NPHP4: variants seen among roughly 807,000 people sequenced by gnomAD.
NPHP4 encodes nephrocystin-4.
A neutral mutation model predicts 155.8 loss-of-function variants in NPHP4; 151 were observed. That is an observed-to-expected ratio of 0.97 (90% CI 0.85 to 1.11). The LOEUF (loss-of-function observed/expected upper bound fraction) is 1.11. NPHP4 is among the 50% of genes least tolerant of loss of function. The pLI, the probability that NPHP4 is intolerant of heterozygous loss-of-function variation, is 0.00. For synonymous variants in NPHP4, 845 were observed against 816.8 expected, an observed-to-expected ratio of 1.03 and a Z score of -0.59; for missense variants, 1,956 against 1,925.7, an observed-to-expected ratio of 1.02 and a Z score of -0.29.
intron 16 of NPHP4, among the ~76,000 whole-genome samples, chr1:5,902,680 A>T (rs59454663): frequency 1.2e-4 from 19 of 152,196 alleles, no homozygotes; most frequent in Admixed American, 1.3e-4. Context: ...ACAATATCTT[A>T]AAGAGTACCT....
intron 23 of NPHP4, among the ~76,000 whole-genome samples, chr1:5,870,124 TATC>T (rs1380037549): frequency 6.6e-6 from 1 of 152,196 alleles, no homozygotes; most frequent in Non-Finnish European, 1.5e-5. Flanking sequence ...GGTTTCTAAA[TATC>T]ATTCTCCAAC....
At chr1:5,984,935 G>C (rs1356337652) in intron 2 of NPHP4, among the ~76,000 whole-genome samples, 1 of 152,216 alleles carries the variant, frequency 6.6e-6, no homozygotes, top group African/African-American at 2.4e-5. Flanking sequence ...CTCTTAATTA[G>C]CAGGTGCTGC....
chr1:5,880,003 GCACA>G (rs878992194), intron 19 of NPHP4, 107 bp downstream of exon 19: 75 of 1,253,548 alleles, frequency 6.0e-5, no homozygotes, highest in Non-Finnish European at 7.5e-5. Flanking sequence ...CACGAATGGT[GCACA>G]CACACACACA....
intron 6 of NPHP4, among the ~76,000 whole-genome samples, chr1:5,956,059 TG>T (rs35135056): frequency 0.49 from 51,334 of 105,408 alleles, 10,752 homozygotes; most frequent in East Asian, 0.76. Context: ...TTCAAAAAGC[TG>T]GGGGGGGGGG....
intron 16 of NPHP4, 98 bp from the exon 17 acceptor site, chr1:5,891,126 C>T: frequency 2.5e-6 from 2 of 792,416 alleles, no homozygotes; most frequent in South Asian, 6.8e-5. Flanking sequence ...TTACTAATTT[C>T]TGCTTCTGTC....
At chr1:5,966,621 G>A (rs974538094) in intron 5 of NPHP4, among the ~76,000 whole-genome samples, 4 of 151,952 alleles carry the variant, frequency 2.6e-5, no homozygotes, top group Non-Finnish European at 5.9e-5. Context: ...ATCTCACCTC[G>A]AAGAGACAGA....
At chr1:5,950,440 C>G (rs1647763179) in intron 7 of NPHP4, among the ~76,000 whole-genome samples, 1 of 152,226 alleles carries the variant, frequency 6.6e-6, no homozygotes. Flanking sequence ...TTCCACCAAA[C>G]CCTCATGGTA....
At chr1:5,906,564 A>T (rs1644922994) in intron 13 of NPHP4, among the ~76,000 whole-genome samples, 1 of 152,276 alleles carries the variant, frequency 6.6e-6, no homozygotes, top group Admixed American at 6.5e-5. Context: ...GAATTAAAAG[A>T]AACTATTTTT....
At chr1:5,972,565 G>A (rs1570706666) in intron 3 of NPHP4, among the ~76,000 whole-genome samples, 1 of 152,152 alleles carries the variant, frequency 6.6e-6, no homozygotes, top group Non-Finnish European at 1.5e-5. Flanking sequence ...GCACACAGAA[G>A]ACCCTTAACC....
At chr1:5,978,162 G>A (rs1171444628) in intron 3 of NPHP4, 108 bp downstream of exon 3, 26 of 1,009,934 alleles carry the variant, frequency 2.6e-5, no homozygotes, top group African/African-American at 6.4e-5. Context: ...AGTCTGAGAC[G>A]CGCTGTGAGG....
At chr1:5,908,351 C>T (rs1645014716) in intron 12 of NPHP4, among the ~76,000 whole-genome samples, 1 of 152,244 alleles carries the variant, frequency 6.6e-6, no homozygotes, top group Admixed American at 6.5e-5. Flanking sequence ...TCCAGTTTCC[C>T]ACTGCAGATG....
At chr1:5,877,977 G>T (rs536637596) in intron 19 of NPHP4, among the ~76,000 whole-genome samples, 1 of 152,394 alleles carries the variant, frequency 6.6e-6, no homozygotes, top group African/African-American at 2.4e-5. Context: ...CACAGAGCAG[G>T]GGCTTGGGGT....
Position 5,959,335 on chromosome 1 carries a change from G to A in NPHP4, c.673+2459C>T, listed in dbSNP as rs537653929. ...GAGGCCAACGGGCCAGACCTCTTCC[G>A]AAGCATGGCTTTTAAGAATGAGGAG... is the stretch of plus-strand genomic sequence containing the variant. On this transcript the variant is annotated intron_variant, in intron 6 of 29. Transcript: ENST00000378156. 1.4e-3 allele frequency among the ~76,000 whole-genome samples: 219 copies of A among 152,328 alleles called. 2 individuals carry two copies. The highest frequency in any genetic ancestry group is 2.1e-3 in the Non-Finnish European group (144 of 68,038).
chr1:5,905,435 G>A lies in NPHP4; in HGVS notation c.1812C>T (p.Ser604=), dbSNP rs773565122. 3.8e-5 allele frequency: 61 copies of A among 1,611,528 alleles called. 1 individual carries two copies. The East Asian group carries it at 4.2e-4, about 11-fold the overall frequency. Residue 604 remains serine (S), a synonymous_variant, in exon 15 of 30, where the codon TCC becomes TCT. Transcript: ENST00000378156. The surrounding 1 kb of genome is among the most constrained non-coding windows in gnomAD (Gnocchi z 4.0). The part of the protein sequence containing the change: ...SRASMVLLQS[S]GFPEILDANK... ...TGGCATCCAGAATCTCGGGAAAGCC[G>A]GAGGACTGCAGGAGCACCATGGAGG... is the stretch of plus-strand genomic sequence containing the variant.
intron 11 of NPHP4, among the ~76,000 whole-genome samples, chr1:5,924,139 A>G (rs1645880894): frequency 6.6e-6 from 1 of 152,194 alleles, no homozygotes; most frequent in African/African-American, 2.4e-5. Flanking sequence ...ACACTCCAGA[A>G]GAAAAGAACT....
intron 16 of NPHP4, among the ~76,000 whole-genome samples, chr1:5,893,874 C>T (rs1644264873): frequency 6.6e-6 from 1 of 152,210 alleles, no homozygotes. Flanking sequence ...CCTCTGGTGG[C>T]CCTGTCTGGG....
rs138429664 is a variant in NPHP4 at position 5,957,732 on chromosome 1, A to G, written c.673+4062T>C. Reference sequence around the variant, plus strand: ...AAAACAAGACCGCTGCAACAGTGGGATATTTAATTCACCAGAATGCACCTC... The same window carrying G: ...AAAACAAGACCGCTGCAACAGTGGGGTATTTAATTCACCAGAATGCACCTC... On this transcript the variant is annotated intron_variant, in intron 6 of 29. Transcript: ENST00000378156. 3.3e-5 allele frequency among the ~76,000 whole-genome samples: 5 copies of G among 151,844 alleles called. No individual in the cohort carries two copies. In the East Asian group the frequency reaches 7.9e-4, roughly 24 times the overall value.
intron 18 of NPHP4, among the ~76,000 whole-genome samples, chr1:5,883,886 G>A (rs1480875111): frequency 6.8e-6 from 1 of 147,770 alleles, no homozygotes; most frequent in Non-Finnish European, 1.5e-5. Context: ...CCTGGGGCAG[G>A]CGACCAGCAT....
chr1:5,988,111 G>A (rs939286739), intron 1 of NPHP4, among the ~76,000 whole-genome samples: 3 of 152,228 alleles, frequency 2.0e-5, no homozygotes, highest in African/African-American at 7.2e-5. Context: ...AATCCTGCAA[G>A]AAGAAAACAT....
Sources: allele counts gnomAD v4.1 joint callset (sites outside exome capture counted in the v4.1 genomes callset), GRCh38; gene constraint gnomAD v4.1.1; non-coding constraint Gnocchi (gnomAD v3.1); transcripts MANE v1.5; gene names NCBI Gene and HGNC (gene_info 2026-07-23, HGNC 2026-07-21).